TSGA10: variants seen among roughly 807,000 people sequenced by gnomAD.
TSGA10 encodes testis specific 10, also known as testis-specific gene 10 protein.
TSGA10 carries 43 observed loss-of-function variants against 96.6 expected under a neutral mutation model. The observed-to-expected ratio is 0.44, with a 90% CI of 0.35 to 0.57. The LOEUF (loss-of-function observed/expected upper bound fraction) is 0.57. TSGA10 is among the 20% of genes least tolerant of loss of function. TSGA10 has a pLI of 0.01. For synonymous variants in TSGA10, 229 were observed against 269.9 expected (o/e 0.85, Z 1.48); for missense variants, 703 against 834.4 (o/e 0.84, Z 1.94).
chr2:99,084,639 C>T (rs1021324394), intron 10 of TSGA10, among the ~76,000 whole-genome samples: 1 of 152,032 alleles, frequency 6.6e-6, no homozygotes, highest in African/African-American at 2.4e-5. Flanking sequence ...TATGGCAACA[C>T]AAGAATAGAC....
intron 16 of TSGA10, among the ~76,000 whole-genome samples, chr2:99,039,864 A>G (rs1265035909): frequency 1.3e-5 from 2 of 152,202 alleles, no homozygotes. Context: ...AGCTGCAAAA[A>G]TCCTCAATAA....
At chr2:99,122,205 C>A (rs1350056377) in intron 2 of TSGA10, among the ~76,000 whole-genome samples, 1 of 152,122 alleles carries the variant, frequency 6.6e-6, no homozygotes, top group Non-Finnish European at 1.5e-5. Flanking sequence ...GTTTTTGGTG[C>A]CTTCCTGTGG....
chr2:99,073,995 C>CTTTTTTTTTTTT lies in TSGA10; in HGVS notation c.883-923_883-922insAAAAAAAAAAAA, dbSNP rs2086298056. On this transcript the variant is annotated intron_variant, in intron 12 of 20. Transcript: ENST00000393483. ...TTTCCAACCAATTCTGTTCCTGTTT[C>CTTTTTTTTTTTT]TTTTCTTTTTTTTTTTTTTTTTTTT... Among the ~76,000 whole-genome samples, 10 of 36,136 alleles carry CTTTTTTTTTTTT rather than the reference C, an allele frequency of 2.8e-4. 1 individual carries two copies. The highest frequency in any genetic ancestry group is 1.1e-3 in the African/African-American group (10 of 8,904). The allele number at this position is 36,136 out of a possible 152,430, so 23.7% of individuals were successfully genotyped here. A position where few individuals can be genotyped will look rare whatever the true frequency, so the allele number is the denominator to read the frequency against.
Position 99,144,640 on chromosome 2 carries a change from ACT to A in TSGA10, c.-621+10051_-621+10052del, listed in dbSNP as rs2093613141. On this transcript the variant is annotated intron_variant, in intron 1 of 20. Coordinates refer to ENST00000393483, the MANE Select transcript of TSGA10 (RefSeq NM_025244.4). ...CTCCAGCCTGGGGGACAAGAACAAA[ACT>A]CTGTCTCAAAAAAAAAAAAAAAAAA... Among the ~76,000 whole-genome samples, 3 of 102,830 alleles carry A rather than the reference ACT, an allele frequency of 2.9e-5. No homozygotes were observed. The Admixed American group carries it at 3.4e-4, about 12-fold the overall frequency. 67.5% of individuals were successfully genotyped at this position (102,830 alleles called of 152,430 possible). A position where few individuals can be genotyped will look rare whatever the true frequency, so the allele number is the denominator to read the frequency against.
intron 1 of TSGA10, among the ~76,000 whole-genome samples, chr2:99,149,169 CAA>C (rs35343264): frequency 4.9e-5 from 6 of 123,200 alleles, no homozygotes; most frequent in Non-Finnish European, 3.3e-5. Context: ...AACTCCATCT[CAA>C]AAAAAAAAAA....
chr2:99,078,314 A>G (rs1418909119), intron 12 of TSGA10, among the ~76,000 whole-genome samples: 1 of 151,778 alleles, frequency 6.6e-6, no homozygotes, highest in African/African-American at 2.4e-5. Flanking sequence ...TCTAAACACA[A>G]TTACAAAGGG....
chr2:99,077,081 C>T (rs2086790754), intron 12 of TSGA10, among the ~76,000 whole-genome samples: 1 of 145,446 alleles, frequency 6.9e-6, no homozygotes, highest in Non-Finnish European at 1.5e-5. Context: ...GTATCTTTAT[C>T]TCTCTCCTTA....
chr2:99,085,609 TAAAA>T (rs200309936), intron 10 of TSGA10, among the ~76,000 whole-genome samples: 57 of 52,470 alleles, frequency 1.1e-3, no homozygotes, highest in African/African-American at 3.4e-3. Flanking sequence ...ATCCTGTCTT[TAAAA>T]AAAAAAAAAA....
At chr2:99,089,636 C>T (rs1261193619) in intron 10 of TSGA10, among the ~76,000 whole-genome samples, 1 of 152,100 alleles carries the variant, frequency 6.6e-6, no homozygotes, top group East Asian at 1.9e-4. Context: ...TAATTGCTGG[C>T]TTTCCCCCAC....
chr2:99,095,477 GATA>G (rs764818345), intron 10 of TSGA10, among the ~76,000 whole-genome samples: 11 of 152,116 alleles, frequency 7.2e-5, no homozygotes, highest in South Asian at 2.1e-4. Flanking sequence ...TTTTTTAAGT[GATA>G]ATGATTCTTT....
intron 17 of TSGA10, among the ~76,000 whole-genome samples, chr2:99,028,672 C>G (rs528517854): frequency 1.3e-5 from 2 of 151,746 alleles, no homozygotes; most frequent in South Asian, 4.2e-4. Flanking sequence ...GTCAAACTCA[C>G]AGAAGGGGTA....
chr2:99,098,673 T>C (rs2090370528), intron 10 of TSGA10, among the ~76,000 whole-genome samples: 1 of 151,890 alleles, frequency 6.6e-6, no homozygotes. Flanking sequence ...AACCACCAAC[T>C]GCAGAATAGA....
chr2:99,018,322 G>T lies in TSGA10; in HGVS notation c.1950C>A (p.Arg650=), dbSNP rs2079715652. Residue 650 remains arginine (R), a synonymous_variant, in exon 20 of 21, where the codon CGC becomes CGA. Transcript: ENST00000393483. ...GATAAGCATTACTTGAATAATTTTGGCGGCGAAGTTCTTGTACGGCCCTCT... is the reference window on the plus strand; with the variant it reads ...GATAAGCATTACTTGAATAATTTTGTCGGCGAAGTTCTTGTACGGCCCTCT... ...ERERAVQELR[R]QNYSSNAYHM... is the part of the protein sequence containing the mutation. The T allele has an allele frequency of 1.2e-6, 2 of 1,614,036 alleles. No homozygotes were observed. Among genetic ancestry groups the T allele is most frequent in the Admixed American group, 1.7e-5 (1 of 60,014 alleles).
intron 14 of TSGA10, among the ~76,000 whole-genome samples, chr2:99,070,982 A>G (rs1574044280): frequency 1.3e-5 from 2 of 152,144 alleles, no homozygotes; most frequent in African/African-American, 4.8e-5. Context: ...TTACTTTTAA[A>G]CAAAATACTT....
chr2:99,130,521 A>G lies in TSGA10; in HGVS notation c.-620-3345T>C, dbSNP rs538283930. Among the ~76,000 whole-genome samples the G allele has an allele frequency of 1.2e-4, 18 of 152,214 alleles. No individual in the cohort carries two copies. In the South Asian group the frequency reaches 2.9e-3, roughly 25 times the overall value. On this transcript the variant is annotated intron_variant, in intron 1 of 20. Coordinates refer to ENST00000393483, the MANE Select transcript of TSGA10 (RefSeq NM_025244.4). ...TTTAAGTTCCTTATAGATTCTAGATATTAACCTTTTGTCAGATGGGTAGAT... is the reference window on the plus strand; with the variant it reads ...TTTAAGTTCCTTATAGATTCTAGATGTTAACCTTTTGTCAGATGGGTAGAT...
chr2:99,065,192 C>T, intron 15 of TSGA10, 68 bp from the exon 16 acceptor site: 2 of 1,513,078 alleles, frequency 1.3e-6, no homozygotes, highest in Non-Finnish European at 1.8e-6. Context: ...CATTATTATC[C>T]AAGTCATTGG....
chr2:99,106,080 T>G (rs1454010582), intron 7 of TSGA10, among the ~76,000 whole-genome samples: 2 of 152,200 alleles, frequency 1.3e-5, no homozygotes, highest in East Asian at 3.8e-4. Flanking sequence ...TTCCTAAATA[T>G]AAATGCATAT....
chr2:99,125,602 T>C (rs1230926332), intron 2 of TSGA10: 1 of 152,242 alleles, frequency 6.6e-6, no homozygotes, highest in East Asian at 1.9e-4. Context: ...TTTTTAAAAA[T>C]TGAGACCTAG....
intron 20 of TSGA10, among the ~76,000 whole-genome samples, chr2:99,001,755 G>A (rs1301974502): frequency 2.0e-5 from 3 of 152,108 alleles, no homozygotes; most frequent in Non-Finnish European, 4.4e-5. Flanking sequence ...TTAGACGAAT[G>A]GCTAACTAGA....
Sources: allele counts gnomAD v4.1 joint callset (sites outside exome capture counted in the v4.1 genomes callset), GRCh38; gene constraint gnomAD v4.1.1; transcripts MANE v1.5; gene names NCBI Gene and HGNC (gene_info 2026-07-23, HGNC 2026-07-21).